The following LYPD6 variants were observed in gnomAD, a reference collection of about 807,000 sequenced individuals.
LYPD6 encodes the protein LY6/PLAUR domain containing 6.
In LYPD6, 15 loss-of-function variants were observed where a neutral mutation model predicts 22.7. That is an observed-to-expected ratio of 0.66 (90% CI 0.44 to 1.02). LYPD6 has a LOEUF of 1.02. LYPD6 is among the 50% of genes least tolerant of loss of function. LYPD6 has a pLI of 0.00. For synonymous variants in LYPD6, 72 were observed against 77.5 expected (o/e 0.93, Z 0.37); for missense variants, 189 against 208.4 (o/e 0.91, Z 0.57).
chr2:149,421,951 T>C (rs764477302), intron 1 of LYPD6, among the ~76,000 whole-genome samples: 1 of 152,160 alleles, frequency 6.6e-6, no homozygotes, highest in African/African-American at 2.4e-5. Flanking sequence ...GATGCTGATC[T>C]TAGCTTGGGA....
At chr2:149,383,371 C>G (rs1451667559) in intron 1 of LYPD6, among the ~76,000 whole-genome samples, 1 of 152,064 alleles carries the variant, frequency 6.6e-6, no homozygotes, top group African/African-American at 2.4e-5. Context: ...TGTTAAAATT[C>G]AGTTTTTTTG....
intron 1 of LYPD6, among the ~76,000 whole-genome samples, chr2:149,381,761 C>G (rs184293407): frequency 6.6e-6 from 1 of 152,266 alleles, no homozygotes; most frequent in African/African-American, 2.4e-5. Context: ...GTTGGTTGCC[C>G]CAACAACCCT....
chr2:149,414,319 C>CT (rs1405173995), intron 1 of LYPD6, among the ~76,000 whole-genome samples: 1 of 152,158 alleles, frequency 6.6e-6, no homozygotes, highest in Non-Finnish European at 1.5e-5. Context: ...GTTAATATTT[C>CT]TTAAATTCTC....
the LYPD6 span, among the ~76,000 whole-genome samples, chr2:149,480,634 G>A: frequency 6.6e-6 from 1 of 152,018 alleles, no homozygotes; most frequent in African/African-American, 2.4e-5. Context: ...AGTTCCATGG[G>A]GCCAGGACCA....
intron 1 of LYPD6, among the ~76,000 whole-genome samples, chr2:149,375,386 C>T (rs1681894222): frequency 6.6e-6 from 1 of 151,988 alleles, no homozygotes; most frequent in South Asian, 2.1e-4. Context: ...GGTTTCTTTT[C>T]CTCTGAAGGA....
At chr2:149,347,524 G>T (rs1681280346) in intron 1 of LYPD6, among the ~76,000 whole-genome samples, 1 of 152,112 alleles carries the variant, frequency 6.6e-6, no homozygotes, top group South Asian at 2.1e-4. Context: ...TAAAGCGCTT[G>T]TTTATTTTAA....
rs538334482 is a variant in LYPD6 at position 149,336,077 on chromosome 2, C to T, written c.-72+5355C>T. On this transcript the variant is annotated intron_variant, in intron 1 of 4. Coordinates refer to ENST00000334166, the MANE Select transcript of LYPD6 (RefSeq NM_194317.5). Reference sequence around the variant, plus strand: ...GTTTCAGAAAGCCTAACCAGGTTTCCGATTCCAGTTCCCTCCTCATTCATG... The same window carrying T: ...GTTTCAGAAAGCCTAACCAGGTTTCTGATTCCAGTTCCCTCCTCATTCATG... 7.9e-5 allele frequency among the ~76,000 whole-genome samples: 12 copies of T among 152,246 alleles called. 1 individual carries two copies. The highest frequency in any genetic ancestry group is 2.2e-4 in the African/African-American group (9 of 41,546).
At chr2:149,469,097 T>G (rs1162602569) in intron 4 of LYPD6, among the ~76,000 whole-genome samples, 2 of 152,194 alleles carry the variant, frequency 1.3e-5, no homozygotes, top group Non-Finnish European at 2.9e-5. Context: ...TCCATCACAG[T>G]GAAGCTTTGC....
downstream of LYPD6, among the ~76,000 whole-genome samples, chr2:149,475,921 A>G (rs1334447466): frequency 1.3e-5 from 2 of 152,182 alleles, no homozygotes; most frequent in African/African-American, 4.8e-5. Flanking sequence ...TTTGTTCCAC[A>G]CACATGTCAC....
intron 1 of LYPD6, among the ~76,000 whole-genome samples, chr2:149,421,290 T>C (rs1399193257): frequency 6.7e-6 from 1 of 148,830 alleles, no homozygotes; most frequent in Non-Finnish European, 1.5e-5. Flanking sequence ...TTTGGGAGGC[T>C]GAGGCAAGAG....
chr2:149,373,547 G>A (rs1283131817), intron 1 of LYPD6, among the ~76,000 whole-genome samples: 5 of 152,086 alleles, frequency 3.3e-5, no homozygotes, highest in Non-Finnish European at 7.4e-5. Flanking sequence ...CAAGGAGACC[G>A]AGCTGTCCTC....
rs1681387007 is a variant in LYPD6, at chr2:149,473,360, C to G, written c.*2510C>G. 1 of 152,606 alleles carries G rather than the reference C, an allele frequency of 6.6e-6. No individual in the cohort carries two copies. The highest frequency in any genetic ancestry group is 2.1e-4 in the South Asian group (1 of 4,824). The allele number at this position is 152,606 out of a possible 1,614,324, so 9.5% of individuals were successfully genotyped here. A position where few individuals can be genotyped will look rare whatever the true frequency, so the allele number is the denominator to read the frequency against. On this transcript the variant is annotated 3_prime_UTR_variant, in exon 5 of 5. Transcript: ENST00000334166. Reference sequence around the variant, plus strand: ...AAGAAAGTTATTTGCTCACTATCCCCAGCCTCAAGGAGCCAAGGAAGAGTC... The same window carrying G: ...AAGAAAGTTATTTGCTCACTATCCCGAGCCTCAAGGAGCCAAGGAAGAGTC...
intron 1 of LYPD6, among the ~76,000 whole-genome samples, chr2:149,371,138 T>A (rs1027694802): frequency 2.6e-5 from 4 of 152,180 alleles, no homozygotes; most frequent in Non-Finnish European, 4.4e-5. Context: ...AGACCATGGC[T>A]CACTGCAGCC....
chr2:149,369,428 A>G lies in LYPD6; in HGVS notation c.-72+38706A>G, dbSNP rs571599996. Among the ~76,000 whole-genome samples, 30 of 152,204 alleles carry G rather than the reference A, an allele frequency of 2.0e-4. No individual in the cohort carries two copies. The South Asian group carries it at 3.1e-3, about 16-fold the overall frequency. ...TGACATACCCACAGCTCCTGAGTTG[A>G]AGCCTCCTCAGATAATGAGATCTCC... On this transcript the variant is annotated intron_variant, in intron 1 of 4. Coordinates refer to ENST00000334166, the MANE Select transcript of LYPD6 (RefSeq NM_194317.5).
chr2:149,476,793 A>G (rs548883321), downstream of LYPD6, among the ~76,000 whole-genome samples: 2 of 152,306 alleles, frequency 1.3e-5, no homozygotes, highest in East Asian at 3.9e-4. Context: ...AGCACATGCC[A>G]TCCGCCTCCC....
chr2:149,335,718 C>T (rs113050810), intron 1 of LYPD6, among the ~76,000 whole-genome samples: 2 of 152,172 alleles, frequency 1.3e-5, no homozygotes, highest in Non-Finnish European at 2.9e-5. Flanking sequence ...ATTCATGGTA[C>T]GTGCCCTATA....
chr2:149,378,961 T>C (rs1205216957), intron 1 of LYPD6, among the ~76,000 whole-genome samples: 5 of 152,222 alleles, frequency 3.3e-5, no homozygotes, highest in Non-Finnish European at 7.3e-5. Context: ...GTAACTGACA[T>C]TTAACAGAGA....
At chr2:149,362,731 A>T (rs910583660) in intron 1 of LYPD6, among the ~76,000 whole-genome samples, 3 of 151,982 alleles carry the variant, frequency 2.0e-5, no homozygotes, top group Non-Finnish European at 2.9e-5. Context: ...GGGGGCTAGA[A>T]CTCATTATTT....
chr2:149,465,039 C>T (rs1681170154), intron 3 of LYPD6, among the ~76,000 whole-genome samples: 1 of 152,094 alleles, frequency 6.6e-6, no homozygotes, highest in Non-Finnish European at 1.5e-5. Flanking sequence ...TTCTACAGTT[C>T]AGGAAAAAGA....
Sources: gnomAD v4.1 joint callset for allele counts (sites outside exome capture counted in the v4.1 genomes callset) on GRCh38, gnomAD v4.1.1 for gene constraint, MANE v1.5 for transcripts, NCBI Gene and HGNC (gene_info 2026-07-23, HGNC 2026-07-21) for gene names.